LSAMP: variants seen among roughly 807,000 people sequenced by gnomAD.
LSAMP encodes the protein limbic system-associated membrane protein.
A neutral mutation model predicts 38.6 loss-of-function variants in LSAMP; 7 were observed. The observed-to-expected ratio is 0.18, with a 90% CI of 0.10 to 0.34. The LOEUF is 0.34. Among genes scored for constraint, LSAMP ranks in the 10% least tolerant of loss-of-function variants. The probability of loss-of-function intolerance (pLI) is 1.00; values close to 1 mark genes in which losing one functional copy is unlikely to be tolerated. For synonymous variants in LSAMP, 154 were observed against 166.8 expected (o/e 0.92, Z 0.59); for missense variants, 313 against 420.0 (o/e 0.75, Z 2.23).
At chr3:116,416,819 A>G (rs2107848194) in intron 1 of LSAMP, among the ~76,000 whole-genome samples, 1 of 151,944 alleles carries the variant, frequency 6.6e-6, no homozygotes, top group East Asian at 1.9e-4. Context: ...CTTTTTTTAA[A>G]CCTCTTTGTG....
At chr3:116,303,544 T>A (rs2047443095) in intron 1 of LSAMP, among the ~76,000 whole-genome samples, 1 of 152,176 alleles carries the variant, frequency 6.6e-6, no homozygotes, top group South Asian at 2.1e-4. Flanking sequence ...AAAATGCTAT[T>A]TTGACTCTCC....
chr3:116,066,157 T>C (rs1707422808), intron 2 of LSAMP, among the ~76,000 whole-genome samples: 1 of 152,178 alleles, frequency 6.6e-6, no homozygotes. Context: ...CATAGATGGC[T>C]GACTTTTCAC....
chr3:116,190,483 C>T (rs1438786002), intron 1 of LSAMP, among the ~76,000 whole-genome samples: 1 of 151,912 alleles, frequency 6.6e-6, no homozygotes, highest in Non-Finnish European at 1.5e-5. Flanking sequence ...AGTTTCCCAG[C>T]TTGTTCCCAG....
chr3:115,864,737 G>A (rs1312188711), intron 3 of LSAMP, among the ~76,000 whole-genome samples: 8 of 152,038 alleles, frequency 5.3e-5, no homozygotes, highest in South Asian at 4.1e-4. Context: ...AGTGTGAACC[G>A]CAAAATGATT....
intron 1 of LSAMP, among the ~76,000 whole-genome samples, chr3:116,382,331 A>T (rs1316030925): frequency 6.6e-6 from 1 of 152,110 alleles, no homozygotes; most frequent in East Asian, 1.9e-4. Context: ...GCCATAAAAA[A>T]GGATGAGTTC....
At chr3:116,112,049 GA>G (rs1457152641) in intron 1 of LSAMP, among the ~76,000 whole-genome samples, 2 of 152,242 alleles carry the variant, frequency 1.3e-5, no homozygotes, top group Non-Finnish European at 2.9e-5. Flanking sequence ...AACCTGGACA[GA>G]AGCCATGTGT....
chr3:116,075,545 G>GTTTT (rs35574635), intron 2 of LSAMP, among the ~76,000 whole-genome samples: 1 of 131,240 alleles, frequency 7.6e-6, no homozygotes. Context: ...TCACTTTATC[G>GTTTT]TTTTTTTTTT....
chr3:116,046,488 A>T (rs1373491358), intron 2 of LSAMP, among the ~76,000 whole-genome samples: 1 of 152,200 alleles, frequency 6.6e-6, no homozygotes, highest in Non-Finnish European at 1.5e-5. Flanking sequence ...CACCACAGCT[A>T]ATTTTCCCTC....
At position 116,073,555 on chromosome 3, in the gene LSAMP, C is replaced by T. The variant is rs539883933; in HGVS notation, c.388+12769G>A. Among the ~76,000 whole-genome samples the T allele has an allele frequency of 2.0e-5, 3 of 152,226 alleles. No homozygotes were observed. In the South Asian group the frequency reaches 6.2e-4, roughly 32 times the overall value. ...TGATTCTATCCACGAACATGGAATA[C>T]TTTTCCATTTGTTTGTGTCCTCTCT... On this transcript the variant is annotated intron_variant, in intron 2 of 6. Coordinates refer to ENST00000490035, the MANE Select transcript of LSAMP (RefSeq NM_002338.5).
chr3:116,221,047 C>G (rs549484559), intron 1 of LSAMP, among the ~76,000 whole-genome samples: 22 of 143,816 alleles, frequency 1.5e-4, no homozygotes, highest in African/African-American at 5.6e-4. Context: ...CAGCTACTTG[C>G]GAGGGTGAGG....
At chr3:116,281,382 C>A (rs1378893560) in intron 1 of LSAMP, among the ~76,000 whole-genome samples, 1 of 152,112 alleles carries the variant, frequency 6.6e-6, no homozygotes, top group Non-Finnish European at 1.5e-5. Context: ...GTATACCTTC[C>A]TTTGCATTCA....
intron 1 of LSAMP, among the ~76,000 whole-genome samples, chr3:116,327,232 C>T (rs1188103069): frequency 6.6e-6 from 1 of 152,152 alleles, no homozygotes; most frequent in Non-Finnish European, 1.5e-5. Context: ...AGCCACATGT[C>T]CCTCCATGAC....
chr3:116,087,938 G>A (rs1708029607), intron 1 of LSAMP, among the ~76,000 whole-genome samples: 1 of 147,498 alleles, frequency 6.8e-6, no homozygotes. Context: ...CGGTCACCAA[G>A]ACTGGGGAGC....
chr3:115,858,692 G>T (rs1252985014), intron 3 of LSAMP, among the ~76,000 whole-genome samples: 2 of 152,128 alleles, frequency 1.3e-5, no homozygotes, highest in Non-Finnish European at 2.9e-5. Context: ...GAAAAGCAAA[G>T]AACTAGAATT....
intron 1 of LSAMP, among the ~76,000 whole-genome samples, chr3:116,149,878 A>G (rs1409185960): frequency 6.6e-6 from 1 of 151,984 alleles, no homozygotes; most frequent in Non-Finnish European, 1.5e-5. Flanking sequence ...ATATATGAAC[A>G]CCCCTTGTAT....
chr3:116,250,906 T>G lies in LSAMP; in HGVS notation c.156-164350A>C, dbSNP rs146002647. ...AGTGTTGGGGGGAACAAAAGAAAGC[T>G]ATAAAAGAAAACGGAAAGTAAACTC... On this transcript the variant is annotated intron_variant, in intron 1 of 6. Coordinates refer to ENST00000490035, the MANE Select transcript of LSAMP (RefSeq NM_002338.5). Among the ~76,000 whole-genome samples, 11 of 152,068 alleles carry G rather than the reference T, an allele frequency of 7.2e-5. No individual in the cohort carries two copies. In the East Asian group the frequency reaches 2.1e-3, roughly 30 times the overall value.
intron 3 of LSAMP, among the ~76,000 whole-genome samples, chr3:115,877,555 C>G (rs1033233795): frequency 1.3e-5 from 2 of 151,936 alleles, no homozygotes; most frequent in African/African-American, 4.8e-5. Context: ...GCATTATGTG[C>G]TAATCTCATC....
intron 1 of LSAMP, among the ~76,000 whole-genome samples, chr3:116,426,789 C>T (rs977416934): frequency 6.6e-6 from 1 of 151,960 alleles, no homozygotes; most frequent in African/African-American, 2.4e-5. Flanking sequence ...CAACATGGTG[C>T]TGTCAACAGC....
intron 3 of LSAMP, among the ~76,000 whole-genome samples, chr3:115,942,435 T>C (rs1937954732): frequency 6.6e-6 from 1 of 152,140 alleles, no homozygotes; most frequent in South Asian, 2.1e-4. Flanking sequence ...TGGGTCAGTT[T>C]CTCCTCTCTA....
Sources: gnomAD v4.1 joint callset for allele counts (sites outside exome capture counted in the v4.1 genomes callset) on GRCh38, gnomAD v4.1.1 for gene constraint, MANE v1.5 for transcripts, NCBI Gene and HGNC (gene_info 2026-07-23, HGNC 2026-07-21) for gene names.